The following PLA2G4A variants were observed in gnomAD, a reference collection of about 807,000 sequenced individuals.
PLA2G4A encodes cytosolic phospholipase A2.
A neutral mutation model predicts 81.9 loss-of-function variants in PLA2G4A; 40 were observed. That is an observed-to-expected ratio of 0.49 (90% CI 0.38 to 0.64). The LOEUF (loss-of-function observed/expected upper bound fraction) is 0.64, where lower values mean the gene tolerates loss of function less well. Ranked by LOEUF, PLA2G4A falls within the 30% of genes least tolerant of loss-of-function variation. The probability of loss-of-function intolerance (pLI) is 0.00; values close to 1 mark genes in which losing one functional copy is unlikely to be tolerated. For missense variants in PLA2G4A, 715 were observed against 905.1 expected, an observed-to-expected ratio of 0.79 and a Z score of 2.69; for synonymous variants, 302 against 296.9, an observed-to-expected ratio of 1.02 and a Z score of -0.18.
intron 3 of PLA2G4A, among the ~76,000 whole-genome samples, chr1:186,891,493 G>GC (rs1282240480): frequency 1.3e-5 from 2 of 149,658 alleles, no homozygotes; most frequent in Non-Finnish European, 3.0e-5. Flanking sequence ...TCATCCTTCT[G>GC]CCCCCTCCAT....
intron 15 of PLA2G4A, among the ~76,000 whole-genome samples, chr1:186,969,314 A>G (rs1213112249): frequency 1.3e-5 from 2 of 151,750 alleles, no homozygotes; most frequent in Non-Finnish European, 2.9e-5. Flanking sequence ...TATGGGGTAC[A>G]TGTCAAATTT....
intron 2 of PLA2G4A, among the ~76,000 whole-genome samples, chr1:186,859,908 A>G (rs1652735367): frequency 1.3e-5 from 2 of 152,142 alleles, no homozygotes; most frequent in Admixed American, 1.3e-4. Flanking sequence ...TGTGCACAAA[A>G]TTATTCCTTT....
chr1:186,871,756 T>C (rs12720513), intron 3 of PLA2G4A, among the ~76,000 whole-genome samples: 2 of 152,122 alleles, frequency 1.3e-5, no homozygotes, highest in Admixed American at 1.3e-4. Flanking sequence ...TGGAAAGAAT[T>C]TGATGGCATT....
intron 7 of PLA2G4A, among the ~76,000 whole-genome samples, chr1:186,915,321 G>A (rs767838238): frequency 1.1e-4 from 16 of 152,078 alleles, no homozygotes; most frequent in Admixed American, 3.9e-4. Flanking sequence ...GTTTCTTGCC[G>A]GGCCAGAATA....
intron 6 of PLA2G4A, among the ~76,000 whole-genome samples, chr1:186,910,421 C>T (rs1433745269): frequency 6.6e-6 from 1 of 152,070 alleles, no homozygotes; most frequent in Non-Finnish European, 1.5e-5. Context: ...GGTATTTAGA[C>T]TTCAGTATTA....
chr1:186,891,952 C>T (rs1654158982), intron 3 of PLA2G4A, among the ~76,000 whole-genome samples: 1 of 152,116 alleles, frequency 6.6e-6, no homozygotes, highest in Non-Finnish European at 1.5e-5. Context: ...CACATCCTTG[C>T]CAGCATTTGT....
chr1:186,880,822 G>A (rs1337707477), intron 3 of PLA2G4A, among the ~76,000 whole-genome samples: 1 of 151,918 alleles, frequency 6.6e-6, no homozygotes, highest in Non-Finnish European at 1.5e-5. Context: ...AACATTCCAA[G>A]CATAGATACA....
intron 7 of PLA2G4A, among the ~76,000 whole-genome samples, chr1:186,919,016 C>T (rs1026675808): frequency 6.6e-6 from 1 of 152,210 alleles, no homozygotes; most frequent in Non-Finnish European, 1.5e-5. Flanking sequence ...TTGGCCAGGG[C>T]CCCACAGTCT....
At chr1:186,856,504 C>T (rs552144685) in intron 2 of PLA2G4A, among the ~76,000 whole-genome samples, 6 of 151,792 alleles carry the variant, frequency 4.0e-5, no homozygotes, top group African/African-American at 1.2e-4. Flanking sequence ...ATTCGCGTGA[C>T]TTAGCCTCCC....
Position 186,942,419 on chromosome 1 carries a change from T to A in PLA2G4A, c.1033+2325T>A, listed in dbSNP as rs578018137. On this transcript the variant is annotated intron_variant, in intron 10 of 17. Transcript: ENST00000367466. ...ATTTAAAAGCCTTGTCTTACAATAC[T>A]TCTAAGCTGAATACCTCAGGCTAGT... Among the ~76,000 whole-genome samples the A allele has an allele frequency of 3.9e-5, 6 of 152,320 alleles. No homozygotes were observed. The East Asian group carries it at 1.2e-3, about 29-fold the overall frequency.
At chr1:186,942,945 G>A (rs950863982) in intron 10 of PLA2G4A, among the ~76,000 whole-genome samples, 4 of 152,018 alleles carry the variant, frequency 2.6e-5, no homozygotes, top group Non-Finnish European at 4.4e-5. Context: ...TATGAATCTT[G>A]TACCCAGATA....
At chr1:186,845,401 A>G (rs574184504) in intron 1 of PLA2G4A, among the ~76,000 whole-genome samples, 51 of 152,130 alleles carry the variant, frequency 3.4e-4, no homozygotes, top group African/African-American at 1.2e-3. Flanking sequence ...TCATCCTCCC[A>G]CTGTCTCTGT....
chr1:186,844,435 T>A (rs1340938838), intron 1 of PLA2G4A, among the ~76,000 whole-genome samples: 1 of 152,216 alleles, frequency 6.6e-6, no homozygotes, highest in Non-Finnish European at 1.5e-5. Flanking sequence ...CTCTCTTTGC[T>A]TTTAGAATAT....
chr1:186,961,341 T>A (rs1656939503), intron 14 of PLA2G4A, among the ~76,000 whole-genome samples: 1 of 152,178 alleles, frequency 6.6e-6, no homozygotes, highest in Non-Finnish European at 1.5e-5. Context: ...AGGATTTAGA[T>A]GTTCTTACCA....
At chr1:186,897,612 C>T (rs1201687966) in intron 5 of PLA2G4A, among the ~76,000 whole-genome samples, 2 of 152,072 alleles carry the variant, frequency 1.3e-5, no homozygotes, top group Admixed American at 6.6e-5. Flanking sequence ...AAGTTCAAGC[C>T]ATTCCCGTGT....
At chr1:186,869,094 T>C (rs184502115) in intron 2 of PLA2G4A, among the ~76,000 whole-genome samples, 155 of 152,204 alleles carry the variant, frequency 1.0e-3, no homozygotes, top group African/African-American at 3.2e-3. Context: ...CTCTTTTTTT[T>C]CCAGTACCCT....
intron 7 of PLA2G4A, among the ~76,000 whole-genome samples, chr1:186,930,823 C>T (rs893787274): frequency 5.3e-5 from 8 of 152,128 alleles, no homozygotes; most frequent in Non-Finnish European, 7.3e-5. Context: ...AATACTAAGA[C>T]CCCAAGTATT....
At position 186,879,243 on chromosome 1, in the gene PLA2G4A, A is replaced by G. The variant is rs527991230; in HGVS notation, c.115+8727A>G. On this transcript the variant is annotated intron_variant, in intron 3 of 17. Transcript: ENST00000367466. Reference sequence around the variant, plus strand: ...TATTTTTAGTTGATGTATAAGAATAATGCAAATCTCCAGATGCAAAACAAA... The same window carrying G: ...TATTTTTAGTTGATGTATAAGAATAGTGCAAATCTCCAGATGCAAAACAAA... Among the ~76,000 whole-genome samples, 32 of 152,072 alleles carry G rather than the reference A, an allele frequency of 2.1e-4. No individual in the cohort carries two copies. The South Asian group carries it at 6.4e-3, about 31-fold the overall frequency.
chr1:186,830,947 T>C (rs1470161215), intron 1 of PLA2G4A, among the ~76,000 whole-genome samples: 2 of 44,512 alleles, frequency 4.5e-5, no homozygotes, highest in Non-Finnish European at 9.4e-5. Flanking sequence ...GCTTGCTTGC[T>C]TGCTTGCTTG....
Sources: allele counts gnomAD v4.1 joint callset (sites outside exome capture counted in the v4.1 genomes callset), GRCh38; gene constraint gnomAD v4.1.1; transcripts MANE v1.5; gene names NCBI Gene and HGNC (gene_info 2026-07-23, HGNC 2026-07-21).